Variants in GATA4 observed in about 807,000 individuals in gnomAD.
GATA4 encodes transcription factor GATA-4.
Under a neutral mutation model 37.9 loss-of-function variants are expected in GATA4, and 7 were observed. The observed-to-expected ratio is 0.18, with a 90% CI of 0.11 to 0.35. The LOEUF (loss-of-function observed/expected upper bound fraction) is 0.35, where lower values mean the gene tolerates loss of function less well. GATA4 is among the 10% of genes least tolerant of loss of function. The pLI, the probability that GATA4 is intolerant of heterozygous loss-of-function variation, is 1.00. For synonymous variants in GATA4, 372 were observed against 292.6 expected (o/e 1.27, Z -2.77); for missense variants, 647 against 653.0 (o/e 0.99, Z 0.10).
At chr8:11,757,132 G>A (rs1563233509) in intron 6 of GATA4, 49 bp downstream of exon 6, 1 of 1,608,684 alleles carries the variant, frequency 6.2e-7, no homozygotes. Flanking sequence ...GAGGCCGACT[G>A]CAGAGTCCCA....
chr8:11,681,480 G>A (rs1798969267), intron 1 of GATA4: 1 of 932,846 alleles, frequency 1.1e-6, no homozygotes, highest in Non-Finnish European at 1.2e-6. Flanking sequence ...CCCGCGCGGG[G>A]TGCGGCGCTC....
rs1139240 is a variant in GATA4, at chr8:11,708,367, G to C, written c.55G>C (p.Glu19Gln). 1 of 1,567,426 alleles carries C rather than the reference G, an allele frequency of 6.4e-7. No homozygotes were observed. Among genetic ancestry groups the C allele is most frequent in the Non-Finnish European group, 8.6e-7 (1 of 1,164,748 alleles). ...ANHGPPPGAY[E>Q]AGGPGAFMHG... ...CCACGGGCCGCCCCCCGGTGCCTAC[G>C]AGGCGGGCGGCCCCGGCGCCTTCAT... Residue 19 changes from glutamate to glutamine, a missense_variant, in exon 2 of 7, where the codon GAG becomes CAG. Transcript: ENST00000532059. This position sits in a 1 kb window ranked among gnomAD's most constrained non-coding sequence, Gnocchi z 6.7.
chr8:11,711,106 A>G (rs1032455311), intron 2 of GATA4, among the ~76,000 whole-genome samples: 1 of 152,238 alleles, frequency 6.6e-6, no homozygotes, highest in Non-Finnish European at 1.5e-5. Context: ...ATGTCTCAAA[A>G]CAAACAAACA....
intron 1 of GATA4, among the ~76,000 whole-genome samples, chr8:11,678,450 C>G (rs1326906050): frequency 1.3e-5 from 2 of 152,234 alleles, no homozygotes; most frequent in African/African-American, 4.8e-5. Context: ...GCCCAACTCT[C>G]TGGCTTGCTT....
intron 2 of GATA4, among the ~76,000 whole-genome samples, chr8:11,738,560 T>C (rs150957396): frequency 9.6e-4 from 147 of 152,354 alleles, no homozygotes; most frequent in African/African-American, 3.4e-3. Context: ...AAGAGTTGTT[T>C]TTCCAGTCCT....
chr8:11,691,025 G>T (rs1301176393), upstream of GATA4, among the ~76,000 whole-genome samples: 2 of 152,190 alleles, frequency 1.3e-5, no homozygotes, highest in Non-Finnish European at 2.9e-5. Context: ...TTAATAGTTT[G>T]TGCCTTGGTT....
At chr8:11,679,434 C>T (rs1210024827) in intron 1 of GATA4, among the ~76,000 whole-genome samples, 1 of 152,164 alleles carries the variant, frequency 6.6e-6, no homozygotes, top group African/African-American at 2.4e-5. Flanking sequence ...GCCCCGAAGC[C>T]GATCTAAGGT....
chr8:11,752,797 ACAAG>A (rs1194420099), intron 4 of GATA4, among the ~76,000 whole-genome samples: 2 of 152,236 alleles, frequency 1.3e-5, no homozygotes, highest in African/African-American at 4.8e-5. Flanking sequence ...GTTATAATGA[ACAAG>A]CAAATGGCTA....
chr8:11,697,327 C>A (rs933510997), intron 1 of GATA4, among the ~76,000 whole-genome samples: 3 of 152,244 alleles, frequency 2.0e-5, no homozygotes, highest in African/African-American at 7.2e-5. Context: ...CTTTAAAATC[C>A]ATTCCGTTCA....
At chr8:11,753,297 G>A (rs1418120235) in intron 4 of GATA4, among the ~76,000 whole-genome samples, 1 of 152,198 alleles carries the variant, frequency 6.6e-6, no homozygotes, top group African/African-American at 2.4e-5. Flanking sequence ...AATGGAGGCT[G>A]TCGGGGGCTA....
upstream of GATA4, among the ~76,000 whole-genome samples, chr8:11,689,059 A>G (rs75744021): frequency 0.029 from 4,455 of 152,284 alleles, 124 homozygotes; most frequent in East Asian, 0.11. Flanking sequence ...TAAATAACAA[A>G]GCAGCGGCAA....
Position 11,742,807 on chromosome 8 carries a change from G to A in GATA4, c.617-6109G>A, listed in dbSNP as rs547403275. ...AGGCGCCAGCCGCAGGGACAGATCC[G>A]GGCCTGTCGGGAAATCCAGGCTCCA... is the stretch of plus-strand genomic sequence containing the variant. On this transcript the variant is annotated intron_variant, in intron 2 of 6. Transcript: ENST00000532059. 1.6e-4 allele frequency among the ~76,000 whole-genome samples: 24 copies of A among 152,342 alleles called. No individual in the cohort carries two copies. In the South Asian group the frequency reaches 2.3e-3, roughly 14 times the overall value.
Position 11,713,396 on chromosome 8 carries a change from C to G in GATA4, c.616+4468C>G, listed in dbSNP as rs114454826. 1.2e-3 allele frequency among the ~76,000 whole-genome samples: 178 copies of G among 152,148 alleles called. 1 individual carries two copies. The highest frequency in any genetic ancestry group is 4.2e-3 in the African/African-American group (173 of 41,500). On this transcript the variant is annotated intron_variant, in intron 2 of 6. Transcript: ENST00000532059. ...ATGTTGGGCACTTAGCAAATATTTG[C>G]GTAGGGATCTTGGTGGTAATTGCCC...
In GATA4 at chr8:11,681,501, G is replaced by C. The variant is rs939487134; in HGVS notation, c.-274+4438G>C. On this transcript the variant is annotated intron_variant, in intron 1 of 6. Coordinates refer to the GATA4 transcript ENST00000528712. The stretch of plus-strand genomic sequence containing the variant: ...CGGGGTGCGGCGCTCGCGGGGGGGG[G>C]GGGGGGGATGGGGTCGGTCCCTCTC... 113 of 965,156 alleles carry C rather than the reference G, an allele frequency of 1.2e-4. 5 individuals carry two copies. The highest frequency in any genetic ancestry group is 1.2e-3 in the African/African-American group (65 of 55,828). 59.8% of individuals were successfully genotyped at this position (965,156 alleles called of 1,614,324 possible). A position where few individuals can be genotyped will look rare whatever the true frequency, so the allele number is the denominator to read the frequency against.
intron 2 of GATA4, among the ~76,000 whole-genome samples, chr8:11,735,758 T>C (rs979435904): frequency 6.6e-6 from 1 of 152,120 alleles, no homozygotes; most frequent in African/African-American, 2.4e-5. Flanking sequence ...ATGGGGTTTC[T>C]CCATGTTGGT....
intron 2 of GATA4, among the ~76,000 whole-genome samples, chr8:11,720,582 C>G (rs1800627473): frequency 6.6e-6 from 1 of 152,164 alleles, no homozygotes; most frequent in African/African-American, 2.4e-5. Flanking sequence ...CTTATCTTTT[C>G]TACTCGTCTC....
chr8:11,711,501 G>C (rs964107169), intron 2 of GATA4, among the ~76,000 whole-genome samples: 1 of 152,122 alleles, frequency 6.6e-6, no homozygotes, highest in African/African-American at 2.4e-5. Flanking sequence ...CATGTGGCCA[G>C]GCGCAGAGGC....
chr8:11,750,480 C>T (rs1802248426), intron 4 of GATA4, among the ~76,000 whole-genome samples: 1 of 152,140 alleles, frequency 6.6e-6, no homozygotes, highest in African/African-American at 2.4e-5. Flanking sequence ...ACAAAGGTGA[C>T]GTTTCGATTC....
In GATA4 at chr8:11,758,595, A is replaced by C; in HGVS notation, c.*120A>C. The C allele has an allele frequency of 9.5e-6, 9 of 946,074 alleles. No homozygotes were observed. Among genetic ancestry groups the C allele is most frequent in the Non-Finnish European group, 1.4e-5 (8 of 590,350 alleles). 58.6% of individuals were successfully genotyped at this position (946,074 alleles called of 1,614,324 possible). ...GCCTGGTAATGACTCCAGAACAACA[A>C]CTGGGAAGAAACTTGAAGTCGACAA... On this transcript the variant is annotated 3_prime_UTR_variant, in exon 7 of 7. Coordinates refer to ENST00000532059, the MANE Select transcript of GATA4 (RefSeq NM_001308093.3).
Sources: allele counts gnomAD v4.1 joint callset (sites outside exome capture counted in the v4.1 genomes callset), GRCh38; gene constraint gnomAD v4.1.1; non-coding constraint Gnocchi (gnomAD v3.1); transcripts MANE v1.5; gene names NCBI Gene and HGNC (gene_info 2026-07-23, HGNC 2026-07-21).